PTPRT: variants seen among roughly 807,000 people sequenced by gnomAD.
PTPRT encodes the protein protein tyrosine phosphatase receptor type T, also known as receptor-type tyrosine-protein phosphatase T.
A neutral mutation model predicts 176.8 loss-of-function variants in PTPRT; 56 were observed. The observed-to-expected ratio is 0.32, with a 90% CI of 0.26 to 0.40. The LOEUF is 0.40. Among genes scored for constraint, PTPRT ranks in the 10% least tolerant of loss-of-function variants. The probability of loss-of-function intolerance (pLI) is 1.00; values close to 1 mark genes in which losing one functional copy is unlikely to be tolerated. For missense variants in PTPRT, 1,540 were observed against 1,908.2 expected (o/e 0.81, Z 3.60); for synonymous variants, 783 against 739.0 (o/e 1.06, Z -0.96).
At chr20:43,126,118 G>A (rs2013429008) in intron 1 of PTPRT, among the ~76,000 whole-genome samples, 1 of 152,196 alleles carries the variant, frequency 6.6e-6, no homozygotes, top group Non-Finnish European at 1.5e-5. Flanking sequence ...GGGAGGCTGT[G>A]AGGCAGGCAG....
At chr20:43,012,749 G>T (rs1985191112) in intron 1 of PTPRT, among the ~76,000 whole-genome samples, 1 of 152,084 alleles carries the variant, frequency 6.6e-6, no homozygotes, top group Admixed American at 6.5e-5. Context: ...CTCCTTGGCA[G>T]CCCACAGGAG....
At chr20:42,943,540 G>A (rs1050916076) in intron 1 of PTPRT, among the ~76,000 whole-genome samples, 9 of 151,930 alleles carry the variant, frequency 5.9e-5, no homozygotes, top group Admixed American at 2.6e-4. Context: ...CCCTACCCCC[G>A]AGTGGCTTCA....
intron 8 of PTPRT, among the ~76,000 whole-genome samples, chr20:42,461,329 A>G (rs1239849899): frequency 6.6e-6 from 1 of 152,184 alleles, no homozygotes; most frequent in Non-Finnish European, 1.5e-5. Flanking sequence ...CTCCGTCTCA[A>G]AAATAAATAA....
At chr20:43,008,199 T>C (rs1238893111) in intron 1 of PTPRT, among the ~76,000 whole-genome samples, 2 of 151,656 alleles carry the variant, frequency 1.3e-5, no homozygotes, top group Non-Finnish European at 2.9e-5. Flanking sequence ...TGAGAGATAA[T>C]GAGATAATGA....
chr20:42,987,272 C>T (rs1336479184), intron 1 of PTPRT, among the ~76,000 whole-genome samples: 1 of 152,142 alleles, frequency 6.6e-6, no homozygotes, highest in African/African-American at 2.4e-5. Context: ...GCCTACTGGC[C>T]ACATGAGGCT....
At chr20:42,477,174 G>T (rs1270418256) in intron 7 of PTPRT, among the ~76,000 whole-genome samples, 1 of 152,112 alleles carries the variant, frequency 6.6e-6, no homozygotes, top group Admixed American at 6.5e-5. Flanking sequence ...GGAATTGCTT[G>T]TTCATGTGTT....
At chr20:42,922,459 GC>G (rs1163349869) in intron 1 of PTPRT, among the ~76,000 whole-genome samples, 1 of 152,138 alleles carries the variant, frequency 6.6e-6, no homozygotes, top group African/African-American at 2.4e-5. Context: ...ATATCTAACT[GC>G]CTAGTTGATG....
rs62204904 is a variant in PTPRT, at chr20:42,473,946, A to G, written c.1154-1384T>C. On this transcript the variant is annotated intron_variant, in intron 7 of 30. Coordinates refer to ENST00000373187, the MANE Select transcript of PTPRT (RefSeq NM_007050.6). Reference sequence around the variant, plus strand: ...TTGCCCAATTATGTATCCTCTTTGGATCCACTTTTTAATTCATTTGTAAAA... The same window carrying G: ...TTGCCCAATTATGTATCCTCTTTGGGTCCACTTTTTAATTCATTTGTAAAA... Among the ~76,000 whole-genome samples, 1,210 of 152,192 alleles carry G rather than the reference A, an allele frequency of 8.0e-3. 11 individuals carry two copies. Among genetic ancestry groups the G allele is most frequent in the Middle Eastern group, 0.014 (4 of 294 alleles).
chr20:42,252,539 G>A (rs898460249), intron 13 of PTPRT, among the ~76,000 whole-genome samples: 1 of 152,186 alleles, frequency 6.6e-6, no homozygotes, highest in Non-Finnish European at 1.5e-5. Flanking sequence ...CTGGGAGAGT[G>A]TAGTATCCTA....
chr20:42,382,375 T>A (rs1443165768), intron 9 of PTPRT, among the ~76,000 whole-genome samples: 2 of 152,188 alleles, frequency 1.3e-5, no homozygotes, highest in Non-Finnish European at 2.9e-5. Flanking sequence ...TTCTAAAGCA[T>A]CCACATGTTT....
chr20:43,147,744 A>G (rs1396242514), intron 1 of PTPRT, among the ~76,000 whole-genome samples: 2 of 152,182 alleles, frequency 1.3e-5, no homozygotes, highest in South Asian at 2.1e-4. Context: ...ATGGGCCAAC[A>G]GAGCCCAGAG....
chr20:42,251,770 G>A (rs2056555513), intron 13 of PTPRT, among the ~76,000 whole-genome samples: 1 of 151,910 alleles, frequency 6.6e-6, no homozygotes, highest in Non-Finnish European at 1.5e-5. Context: ...AGAAAGCAAG[G>A]AGGGAAAGAT....
intron 7 of PTPRT, among the ~76,000 whole-genome samples, chr20:42,594,182 G>C (rs2073628809): frequency 6.6e-6 from 1 of 152,056 alleles, no homozygotes; most frequent in African/African-American, 2.4e-5. Flanking sequence ...CCTGCCAAAG[G>C]GGATTAAGAA....
intron 1 of PTPRT, among the ~76,000 whole-genome samples, chr20:43,046,057 A>T (rs1986824817): frequency 6.6e-6 from 1 of 152,200 alleles, no homozygotes; most frequent in Admixed American, 6.5e-5. Context: ...GAGTAGGGGT[A>T]GAATCATGCA....
chr20:42,991,945 G>A (rs1460448599), intron 1 of PTPRT, among the ~76,000 whole-genome samples: 1 of 152,072 alleles, frequency 6.6e-6, no homozygotes, highest in Non-Finnish European at 1.5e-5. Flanking sequence ...TCCAAATACA[G>A]CCAATAAACT....
chr20:42,172,181 AC>A (rs1201606249), intron 16 of PTPRT, among the ~76,000 whole-genome samples: 3 of 152,208 alleles, frequency 2.0e-5, no homozygotes, highest in African/African-American at 7.2e-5. Flanking sequence ...AGATAAAAAA[AC>A]ATAGTCATTG....
intron 7 of PTPRT, among the ~76,000 whole-genome samples, chr20:42,550,313 C>T (rs1291696196): frequency 6.6e-6 from 1 of 151,670 alleles, no homozygotes; most frequent in Non-Finnish European, 1.5e-5. Flanking sequence ...ATGAAAATAA[C>T]AAAGAGAAAA....
chr20:42,246,688 C>T (rs573175202), intron 14 of PTPRT, among the ~76,000 whole-genome samples: 2 of 152,150 alleles, frequency 1.3e-5, no homozygotes, highest in Admixed American at 6.5e-5. Flanking sequence ...ATGATGGTGA[C>T]GTGGGTTAAG....
intron 1 of PTPRT, among the ~76,000 whole-genome samples, chr20:42,946,785 C>G (rs140399563): frequency 6.6e-6 from 1 of 152,180 alleles, no homozygotes; most frequent in African/African-American, 2.4e-5. Flanking sequence ...GGATTTACAA[C>G]GGGGTTTCTC....
Sources: gnomAD v4.1 joint callset for allele counts (sites outside exome capture counted in the v4.1 genomes callset) on GRCh38, gnomAD v4.1.1 for gene constraint, MANE v1.5 for transcripts, NCBI Gene and HGNC (gene_info 2026-07-23, HGNC 2026-07-21) for gene names.